ACOX1: variants seen among roughly 807,000 people sequenced by gnomAD.
ACOX1 encodes the protein acyl-CoA oxidase 1.
In ACOX1, 41 loss-of-function variants were observed where a neutral mutation model predicts 75.5. That is an observed-to-expected ratio of 0.54 (90% CI 0.42 to 0.70). The LOEUF is 0.70. ACOX1 is among the 30% of genes least tolerant of loss of function. The probability of loss-of-function intolerance (pLI) is 0.00; values close to 1 mark genes in which losing one functional copy is unlikely to be tolerated. For missense variants in ACOX1, 630 were observed against 837.5 expected (o/e 0.75, Z 3.06); for synonymous variants, 303 against 298.8 (o/e 1.01, Z -0.15).
rs1031181901 is a variant in ACOX1 at position 75,946,669 on chromosome 17, G to T, written c.*79C>A. 5 of 1,274,862 alleles carry T rather than the reference G, an allele frequency of 3.9e-6. No individual in the cohort carries two copies. The highest frequency in any genetic ancestry group is 2.9e-5 in the African/African-American group (2 of 67,928). 79.0% of individuals were successfully genotyped at this position (1,274,862 alleles called of 1,614,324 possible). A position where few individuals can be genotyped will look rare whatever the true frequency, so the allele number is the denominator to read the frequency against. On this transcript the variant is annotated 3_prime_UTR_variant, in exon 14 of 14. Coordinates refer to ENST00000293217, the MANE Select transcript of ACOX1 (RefSeq NM_004035.7). ...TTTATCATTTGCTCTATAGCTATTTGAATTCGAAAAAGATTCCACAAAATT... is the reference window on the plus strand; with the variant it reads ...TTTATCATTTGCTCTATAGCTATTTTAATTCGAAAAAGATTCCACAAAATT...
intron 4 of ACOX1, among the ~76,000 whole-genome samples, chr17:75,956,418 C>T (rs1001024185): frequency 3.3e-5 from 5 of 152,090 alleles, no homozygotes; most frequent in Admixed American, 6.6e-5. Flanking sequence ...CAGCCGGGCA[C>T]GGTGGCTCGC....
Position 75,978,676 on chromosome 17 carries a change from C to A in ACOX1, c.127G>T (p.Asp43Tyr). Residue 43 changes from aspartate to tyrosine, a missense_variant, in exon 2 of 14, where the codon GAC (aspartate) becomes TAC (tyrosine). This residue lies in a region of ACOX1 where 390 missense variants were observed against 574.9 expected (regional missense o/e 0.68). Coordinates refer to ENST00000293217, the MANE Select transcript of ACOX1 (RefSeq NM_004035.7). This position sits in a 1 kb window ranked among gnomAD's most constrained non-coding sequence, Gnocchi z 4.2. ...RREIENMILNDPDFQHEDLNF... is the reference protein window; with the variant it reads ...RREIENMILNYPDFQHEDLNF... Reference sequence around the variant, plus strand: ...AAGTCCTCATGCTGGAAGTCTGGGTCGTTCAGGATCATGTTCTCTGAAAGG... The same window carrying A: ...AAGTCCTCATGCTGGAAGTCTGGGTAGTTCAGGATCATGTTCTCTGAAAGG... The A allele has an allele frequency of 6.2e-7, 1 of 1,614,100 alleles. No homozygotes were observed. The highest frequency in any genetic ancestry group is 8.5e-7 in the Non-Finnish European group (1 of 1,180,050).
chr17:75,956,895 G>A (rs1192907002), intron 4 of ACOX1, among the ~76,000 whole-genome samples: 4 of 98,526 alleles, frequency 4.1e-5, no homozygotes, highest in African/African-American at 8.2e-5. Context: ...GGTATGTGCC[G>A]CTATGCCTGG....
In ACOX1 at chr17:75,941,740, A is replaced by C. The variant is rs1335440375; in HGVS notation, c.*5008T>G. 2 of 152,244 alleles carry C rather than the reference A, an allele frequency of 1.3e-5. No homozygotes were observed. The highest frequency in any genetic ancestry group is 2.4e-5 in the African/African-American group (1 of 41,540). 9.4% of individuals were successfully genotyped at this position (152,244 alleles called of 1,614,324 possible). ...GCTCAATGCATCTTCTCAGGTGAGAACCAAACTCGAGCCACAACAGCAAAG... is the reference window on the plus strand; with the variant it reads ...GCTCAATGCATCTTCTCAGGTGAGACCCAAACTCGAGCCACAACAGCAAAG... On this transcript the variant is annotated 3_prime_UTR_variant, in exon 14 of 14. Transcript: ENST00000293217.
chr17:75,957,640 CA>C, intron 3 of ACOX1, 74 bp from the exon 4 acceptor site: 1 of 1,169,686 alleles, frequency 8.5e-7, no homozygotes, highest in Non-Finnish European at 1.3e-6. Flanking sequence ...ATTTCCTGCA[CA>C]GTCCTTTAAA....
intron 2 of ACOX1, among the ~76,000 whole-genome samples, chr17:75,966,086 T>C (rs1391600435): frequency 2.0e-5 from 3 of 147,604 alleles, no homozygotes; most frequent in Non-Finnish European, 3.0e-5. Flanking sequence ...GCTGAGATCA[T>C]GCCACTGCAC....
In ACOX1 at chr17:75,950,894, C is replaced by T. The variant is rs776963089; in HGVS notation, c.1178G>A (p.Arg393Gln). Residue 393 changes from arginine (R) to glutamine (Q), a missense_variant, in exon 9 of 14, where the codon CGG (arginine) becomes CAG (glutamine). Coordinates refer to ENST00000293217, the MANE Select transcript of ACOX1 (RefSeq NM_004035.7). This position sits in a 1 kb window ranked among gnomAD's most constrained non-coding sequence, Gnocchi z 4.3. ...ATAGCCATGCCCACCACAAGCCATC[C>T]GACATGCTTCAATGCCAGTGTTTGC... ...WTANTGIEAC[R>Q]MACGGHGYSH... 1.9e-5 allele frequency: 30 copies of T among 1,614,018 alleles called. No homozygotes were observed. Among genetic ancestry groups the T allele is most frequent in the African/African-American group, 4.0e-5 (3 of 74,896 alleles).
At chr17:75,958,673 T>A (rs2065859745) in intron 3 of ACOX1, among the ~76,000 whole-genome samples, 2 of 151,628 alleles carry the variant, frequency 1.3e-5, no homozygotes, top group African/African-American at 4.8e-5. Flanking sequence ...CTGGGCATGG[T>A]GGTGGGTGCC....
rs548325591 is a variant in ACOX1 at position 75,944,939 on chromosome 17, T to C, written c.*1809A>G. 4.6e-5 allele frequency: 7 copies of C among 152,146 alleles called. No homozygotes were observed. Among genetic ancestry groups the C allele is most frequent in the Admixed American group, 3.9e-4 (6 of 15,274 alleles). The allele number at this position is 152,146 out of a possible 1,614,324, so 9.4% of individuals were successfully genotyped here. A position where few individuals can be genotyped will look rare whatever the true frequency, so the allele number is the denominator to read the frequency against. On this transcript the variant is annotated 3_prime_UTR_variant, in exon 14 of 14. Transcript: ENST00000293217. ...TGTATTTTTTTCAGTAGAGACGGGG[T>C]TTCACCATGTTGGCCAGGATGGTCT...
chr17:75,957,071 C>T (rs992022101), intron 4 of ACOX1, among the ~76,000 whole-genome samples: 3 of 149,606 alleles, frequency 2.0e-5, no homozygotes, highest in Non-Finnish European at 4.4e-5. Context: ...ACACACACCA[C>T]ACACACATAT....
intron 13 of ACOX1, among the ~76,000 whole-genome samples, chr17:75,947,397 G>A (rs757336998): frequency 3.3e-5 from 5 of 151,964 alleles, no homozygotes; most frequent in East Asian, 2.0e-4. Flanking sequence ...ACAGGCATGC[G>A]CCACCACGCC....
intron 2 of ACOX1, among the ~76,000 whole-genome samples, chr17:75,975,179 G>C (rs1414949955): frequency 6.7e-6 from 1 of 149,338 alleles, no homozygotes; most frequent in Non-Finnish European, 1.5e-5. Flanking sequence ...TTCTTTTTTG[G>C]AGACAGTCTC....
Position 75,960,242 on chromosome 17 carries a change from T to C in ACOX1, c.403A>G (p.Thr135Ala). The C allele has an allele frequency of 6.2e-7, 1 of 1,614,144 alleles. No individual in the cohort carries two copies. The highest frequency in any genetic ancestry group is 8.5e-7 in the Non-Finnish European group (1 of 1,180,004). ...MPAWNLEIIGTYAQTEMGHGT... is the reference protein window; with the variant it reads ...MPAWNLEIIGAYAQTEMGHGT... ...TGACCCATCTCTGTCTGGGCATAAG[T>C]GCCAATGATCTCCAAGTTCCAGGCG... The change falls in exon 3 of 14, where the codon ACT (threonine) becomes GCT (alanine). Residue 135 changes from threonine (T) to alanine (A), a missense_variant. By Grantham distance (58) the Thr-to-Ala change is moderately conservative (BLOSUM62 0). Coordinates refer to ENST00000293217, the MANE Select transcript of ACOX1 (RefSeq NM_004035.7). The surrounding 1 kb of genome is among the most constrained non-coding windows in gnomAD (Gnocchi z 4.4).
Position 75,970,195 on chromosome 17 carries a change from A to G in ACOX1, c.269+8339T>C, listed in dbSNP as rs192151310. 6.9e-3 allele frequency among the ~76,000 whole-genome samples: 1,049 copies of G among 151,308 alleles called. 34 individuals carry two copies. The highest frequency in any genetic ancestry group is 0.034 in the Middle Eastern group (10 of 294). On this transcript the variant is annotated intron_variant, in intron 2 of 13. Coordinates refer to ENST00000293217, the MANE Select transcript of ACOX1 (RefSeq NM_004035.7). ...ACATGAGACTCCTTCAAAAAAAAAA[A>G]AAAAAAGAGGAAGGAAGGAAGGAAG...
At position 75,970,029 on chromosome 17, in the gene ACOX1, A is replaced by G. The variant is rs150486640; in HGVS notation, c.269+8505T>C. On this transcript the variant is annotated intron_variant, in intron 2 of 13. Coordinates refer to ENST00000293217, the MANE Select transcript of ACOX1 (RefSeq NM_004035.7). ...GTGAAACCCTGTCTCTACTAAAAATATAAATATTAGCCAGGTATGGTGGTG... is the reference window on the plus strand; with the variant it reads ...GTGAAACCCTGTCTCTACTAAAAATGTAAATATTAGCCAGGTATGGTGGTG... Among the ~76,000 whole-genome samples the G allele has an allele frequency of 1.2e-3, 183 of 152,054 alleles. 3 individuals are homozygous for G. The East Asian group carries it at 0.026, about 21-fold the overall frequency.
rs1408448944 is a variant in ACOX1 at position 75,945,855 on chromosome 17, A to G, written c.*893T>C. 1 of 152,508 alleles carries G rather than the reference A, an allele frequency of 6.6e-6. No individual in the cohort carries two copies. Among genetic ancestry groups the G allele is most frequent in the East Asian group, 1.9e-4 (1 of 5,196 alleles). The allele number at this position is 152,508 out of a possible 1,614,324, so 9.4% of individuals were successfully genotyped here. On this transcript the variant is annotated 3_prime_UTR_variant, in exon 14 of 14. Transcript: ENST00000293217. ...AAATCAGAACACATGGTTTGTGTCA[A>G]AGGGTTTTTCTGTGCTACGTCTGGG...
Position 75,978,437 on chromosome 17 carries a change from A to C in ACOX1, c.269+97T>G, listed in dbSNP as rs142476084. 1.3e-6 allele frequency: 2 copies of C among 1,506,816 alleles called. No individual in the cohort carries two copies. Among genetic ancestry groups the C allele is most frequent in the African/African-American group, 2.7e-5 (2 of 72,938 alleles). 93.3% of individuals were successfully genotyped at this position (1,506,816 alleles called of 1,614,324 possible). ...GTTGCATGAAAATATGCCAGTTTGCATCTTCAAACACCAAGCACGGTGATG... is the reference window on the plus strand; with the variant it reads ...GTTGCATGAAAATATGCCAGTTTGCCTCTTCAAACACCAAGCACGGTGATG... On this transcript the variant is annotated intron_variant, in intron 2 of 13. Transcript: ENST00000293217. This position sits in a 1 kb window ranked among gnomAD's most constrained non-coding sequence, Gnocchi z 4.2.
chr17:75,953,089 A>G (rs981624552), intron 7 of ACOX1, among the ~76,000 whole-genome samples: 55 of 152,288 alleles, frequency 3.6e-4, no homozygotes, highest in African/African-American at 1.2e-3. Flanking sequence ...TGTCACTTTC[A>G]CCATGCACAA....
At position 75,950,238 on chromosome 17, in the gene ACOX1, C is replaced by T. The variant is rs1215052084; in HGVS notation, c.1299-341G>A. Reference sequence around the variant, plus strand: ...AAAGTGCTGGGATTACAGGAGTAAGCCACCACACCTGGCCTTTTTTTTTTT... The same window carrying T: ...AAAGTGCTGGGATTACAGGAGTAAGTCACCACACCTGGCCTTTTTTTTTTT... On this transcript the variant is annotated intron_variant, in intron 9 of 13. Coordinates refer to ENST00000293217, the MANE Select transcript of ACOX1 (RefSeq NM_004035.7). The surrounding 1 kb of genome is among the most constrained non-coding windows in gnomAD (Gnocchi z 4.3). Among the ~76,000 whole-genome samples, 2 of 151,488 alleles carry T rather than the reference C, an allele frequency of 1.3e-5. No homozygotes were observed. The highest frequency in any genetic ancestry group is 2.9e-5 in the Non-Finnish European group (2 of 67,974).
Sources: gnomAD v4.1 joint callset for allele counts (sites outside exome capture counted in the v4.1 genomes callset) on GRCh38, gnomAD v4.1.1 for gene constraint, gnomAD v4.1.1 regional missense constraint, Gnocchi (gnomAD v3.1) non-coding constraint, MANE v1.5 for transcripts, NCBI Gene and HGNC (gene_info 2026-07-23, HGNC 2026-07-21) for gene names.